The following FPGT variants were observed in gnomAD, a reference collection of about 807,000 sequenced individuals.
FPGT encodes the protein fucose-1-phosphate guanylyltransferase, also known as GDP-L-fucose diphosphorylase.
A neutral mutation model predicts 45.8 loss-of-function variants in FPGT; 41 were observed. The observed-to-expected ratio is 0.90, with a 90% CI of 0.70 to 1.16. The LOEUF (loss-of-function observed/expected upper bound fraction) is 1.16, where lower values mean the gene tolerates loss of function less well. Ranked by LOEUF, FPGT falls within the 50% of genes most tolerant of loss-of-function variation. FPGT has a pLI of 0.00. For synonymous variants in FPGT, 292 were observed against 247.2 expected (o/e 1.18, Z -1.70); for missense variants, 755 against 689.1 (o/e 1.10, Z -1.07).
At chr1:74,198,611 A>G (rs1268488786) in intron 1 of FPGT, among the ~76,000 whole-genome samples, 1 of 152,182 alleles carries the variant, frequency 6.6e-6, no homozygotes, top group Non-Finnish European at 1.5e-5. Context: ...AGAAGAAGAA[A>G]ATCTTACTAG....
At chr1:74,200,390 C>A (rs562466779) in intron 2 of FPGT, among the ~76,000 whole-genome samples, 3 of 152,060 alleles carry the variant, frequency 2.0e-5, no homozygotes, top group Non-Finnish European at 2.9e-5. Flanking sequence ...CCCCCTGATA[C>A]CAGAGATAAG....
At position 74,205,193 on chromosome 1, in the gene FPGT, G is replaced by T. The variant is rs1557673176; in HGVS notation, c.1146G>T (p.Gln382His). ...DNSLKSELGL[Q>H]SITFSIFPDI... is the part of the protein sequence containing the mutation. ...GTTTAAAGTCAGAGCTCGGCTTACA[G>T]TCCATAACTTTTAGTATCTTTCCAG... is the stretch of plus-strand genomic sequence containing the variant. The change falls in exon 4 of 4, where the codon CAG (glutamine) becomes CAT (histidine). Residue 382 changes from glutamine to histidine, a missense_variant. Gln to His is a conservative substitution (Grantham distance 24). Transcript: ENST00000370898. 6.2e-7 allele frequency: 1 copy of T among 1,613,982 alleles called. No homozygotes were observed. Among genetic ancestry groups the T allele is most frequent in the Non-Finnish European group, 8.5e-7 (1 of 1,179,870 alleles).
chr1:74,201,183 C>A (rs1651756598), intron 2 of FPGT, 135 bp from the exon 3 acceptor site: 2 of 614,786 alleles, frequency 3.3e-6, no homozygotes, highest in Non-Finnish European at 5.6e-6. Flanking sequence ...ATTGCCAATA[C>A]CTTTGATGTC....
In FPGT at chr1:74,198,266, G is replaced by A. The variant is rs200371237; in HGVS notation, c.-13G>A. The A allele has an allele frequency of 6.2e-7, 1 of 1,613,314 alleles. No individual in the cohort carries two copies. The highest frequency in any genetic ancestry group is 1.1e-5 in the South Asian group (1 of 91,062). ...TGCGTGCTGTGCGGCGCGGTCTCAG[G>A]GAAGGTGGGGCTATGGCAGCTGCTA... On this transcript the variant is annotated 5_prime_UTR_variant, in exon 1 of 4. Coordinates refer to ENST00000370898, the MANE Select transcript of FPGT (RefSeq NM_003838.5).
In FPGT at chr1:74,204,529, G is replaced by A; in HGVS notation, c.482G>A (p.Gly161Glu). The A allele has an allele frequency of 1.2e-6, 2 of 1,609,464 alleles. No homozygotes were observed. Among genetic ancestry groups the A allele is most frequent in the Non-Finnish European group, 1.7e-6 (2 of 1,175,922 alleles). The stretch of plus-strand genomic sequence containing the variant: ...GATTTCCCCTTAAATATGAATCCTG[G>A]AATTCTGGTTACCTGTGCAGATGAT... Reference protein sequence around the residue: ...YIDFPLNMNPGILVTCADDIE... With the variant: ...YIDFPLNMNPEILVTCADDIE... Residue 161 changes from glycine to glutamate, a missense_variant, in exon 4 of 4, where the codon GGA (glycine) becomes GAA (glutamate). Transcript: ENST00000370898.
At chr1:74,203,315 G>A (rs1178811694) in intron 3 of FPGT, among the ~76,000 whole-genome samples, 1 of 152,038 alleles carries the variant, frequency 6.6e-6, no homozygotes, top group Non-Finnish European at 1.5e-5. Context: ...CCATAATTGA[G>A]CGAAATGTTG....
At chr1:74,201,845 C>G (rs986944563) in intron 3 of FPGT, among the ~76,000 whole-genome samples, 1 of 152,174 alleles carries the variant, frequency 6.6e-6, no homozygotes, top group Non-Finnish European at 1.5e-5. Context: ...CACCTGTCAA[C>G]CCATCACCTA....
In FPGT at chr1:74,204,401, T is replaced by C. The variant is rs752512715; in HGVS notation, c.354T>C (p.Ser118=). 1 of 1,577,252 alleles carries C rather than the reference T, an allele frequency of 6.3e-7. No individual in the cohort carries two copies. Among genetic ancestry groups the C allele is most frequent in the South Asian group, 1.2e-5 (1 of 84,452 alleles). ...TILLIHSGGY[S]QRLPNASALG... Reference sequence around the variant, plus strand: ...GTTTTAATTTTATAGGTGGCTACAGTCAACGACTTCCAAATGCAAGTGCTC... The same window carrying C: ...GTTTTAATTTTATAGGTGGCTACAGCCAACGACTTCCAAATGCAAGTGCTC... The change falls in exon 4 of 4, where the codon AGT becomes AGC. Residue 118 remains serine (S), a synonymous_variant. Coordinates refer to ENST00000370898, the MANE Select transcript of FPGT (RefSeq NM_003838.5).
chr1:74,200,591 G>C (rs1405137217), intron 2 of FPGT: 2 of 141,694 alleles, frequency 1.4e-5, no homozygotes, highest in Admixed American at 1.5e-4. Flanking sequence ...TCCAAGCTCC[G>C]CCTCCCAGGT....
At position 74,205,129 on chromosome 1, in the gene FPGT, C is replaced by A. The variant is rs1417528871; in HGVS notation, c.1082C>A (p.Thr361Lys). The A allele has an allele frequency of 6.2e-7, 1 of 1,613,292 alleles. No homozygotes were observed. The highest frequency in any genetic ancestry group is 8.5e-7 in the Non-Finnish European group (1 of 1,179,396). Residue 361 changes from threonine (T) to lysine (K), a missense_variant, in exon 4 of 4, where the codon ACA becomes AAA. Coordinates refer to ENST00000370898, the MANE Select transcript of FPGT (RefSeq NM_003838.5). ...AACTCCAAATTTTATCACATTGGAA[C>A]AACCGAAGAATATTTGTTTTACTTT... is the stretch of plus-strand genomic sequence containing the variant. Reference protein sequence around the residue: ...LNNSKFYHIGTTEEYLFYFTS... With the variant: ...LNNSKFYHIGKTEEYLFYFTS...
At chr1:74,200,150 A>G (rs1651655452) in intron 2 of FPGT, among the ~76,000 whole-genome samples, 1 of 152,228 alleles carries the variant, frequency 6.6e-6, no homozygotes, top group African/African-American at 2.4e-5. Flanking sequence ...TCTCCACTCC[A>G]GAGTTCCTCC....
In FPGT at chr1:74,204,810, G is replaced by T; in HGVS notation, c.763G>T (p.Gly255Trp). 6.2e-7 allele frequency: 1 copy of T among 1,613,516 alleles called. No individual in the cohort carries two copies. The highest frequency in any genetic ancestry group is 8.5e-7 in the Non-Finnish European group (1 of 1,179,770). Residue 255 changes from glycine (G) to tryptophan (W), a missense_variant, in exon 4 of 4, where the codon GGG becomes TGG. Coordinates refer to ENST00000370898, the MANE Select transcript of FPGT (RefSeq NM_003838.5). The part of the protein sequence containing the change: ...PGNFCQQDFA[G>W]GDIADLKLDS... ...AAATTTTTGTCAACAGGACTTTGCT[G>T]GGGGTGACATTGCCGATCTTAAATT...
chr1:74,202,458 A>G (rs1392662632), intron 3 of FPGT, among the ~76,000 whole-genome samples: 2 of 152,208 alleles, frequency 1.3e-5, no homozygotes, highest in South Asian at 4.1e-4. Flanking sequence ...AATTATTATC[A>G]GTTTAGTAAA....
Position 74,199,650 on chromosome 1 carries a change from C to G in FPGT, c.83-14C>G, listed in dbSNP as rs1651582627. On this transcript the variant is annotated splice_polypyrimidine_tract_variant and intron_variant, in intron 1 of 3. Coordinates refer to ENST00000370898, the MANE Select transcript of FPGT (RefSeq NM_003838.5). ...GATAATTTTTGTTTTCATTTCCTTG[C>G]TTTTTCCAAATAGGCAAACTTGTAG... The G allele has an allele frequency of 6.2e-7, 1 of 1,600,006 alleles. No homozygotes were observed. Among genetic ancestry groups the G allele is most frequent in the Admixed American group, 1.8e-5 (1 of 56,566 alleles).
In FPGT at chr1:74,204,856, CAGAT is replaced by C. The variant is rs763750018; in HGVS notation, c.812_815del (p.Asp271AlafsTer20). 1 of 1,613,678 alleles carries C rather than the reference CAGAT, an allele frequency of 6.2e-7. No individual in the cohort carries two copies. Among genetic ancestry groups the C allele is most frequent in the East Asian group, 2.2e-5 (1 of 44,870 alleles). On this transcript the variant is annotated frameshift_variant, in exon 4 of 4. Transcript: ENST00000370898. LOFTEE classifies it high-confidence loss of function. ...AAATTAGACTCTGACTATGTCTACA[CAGAT>C]AGCCTATTTTATATGGATCATAAAT...
At chr1:74,202,553 T>G (rs1651891631) in intron 3 of FPGT, among the ~76,000 whole-genome samples, 1 of 152,158 alleles carries the variant, frequency 6.6e-6, no homozygotes, top group Non-Finnish European at 1.5e-5. Flanking sequence ...AGTGCTAAAC[T>G]TGACTATTGG....
In FPGT at chr1:74,204,855, A is replaced by G; in HGVS notation, c.808A>G (p.Thr270Ala). Reference sequence around the variant, plus strand: ...TAAATTAGACTCTGACTATGTCTACACAGATAGCCTATTTTATATGGATCA... The same window carrying G: ...TAAATTAGACTCTGACTATGTCTACGCAGATAGCCTATTTTATATGGATCA... ...DLKLDSDYVY[T>A]DSLFYMDHKS... The change falls in exon 4 of 4, where the codon ACA (threonine) becomes GCA (alanine). Residue 270 changes from threonine to alanine, a missense_variant. Coordinates refer to ENST00000370898, the MANE Select transcript of FPGT (RefSeq NM_003838.5). 6.2e-7 allele frequency: 1 copy of G among 1,613,732 alleles called. No homozygotes were observed. The highest frequency in any genetic ancestry group is 8.5e-7 in the Non-Finnish European group (1 of 1,180,004).
chr1:74,205,187 C>T lies in FPGT; in HGVS notation c.1140C>T (p.Gly380=), dbSNP rs375924421. The T allele has an allele frequency of 3.3e-5, 54 of 1,613,740 alleles. No homozygotes were observed. The highest frequency in any genetic ancestry group is 1.7e-4 in the Admixed American group (10 of 59,996). The part of the protein sequence containing the change: ...TSDNSLKSEL[G]LQSITFSIFP... ...ATAACAGTTTAAAGTCAGAGCTCGG[C>T]TTACAGTCCATAACTTTTAGTATCT... Residue 380 remains glycine (G), a synonymous_variant, in exon 4 of 4, where the codon GGC becomes GGT. Coordinates refer to ENST00000370898, the MANE Select transcript of FPGT (RefSeq NM_003838.5).
chr1:74,206,096 C>A lies in FPGT; in HGVS notation c.*264C>A. The stretch of plus-strand genomic sequence containing the variant: ...TGATTTGTGGAGCATTGTTTTTTCA[C>A]ATAATTAGTTTTAAAGGTAATTTTC... On this transcript the variant is annotated 3_prime_UTR_variant, in exon 4 of 4. Transcript: ENST00000370898. 1 of 271,440 alleles carries A rather than the reference C, an allele frequency of 3.7e-6. No individual in the cohort carries two copies. The highest frequency in any genetic ancestry group is 6.9e-6 in the Non-Finnish European group (1 of 145,942). The allele number at this position is 271,440 out of a possible 1,614,324, so 16.8% of individuals were successfully genotyped here.
Sources: gnomAD v4.1 joint callset for allele counts (sites outside exome capture counted in the v4.1 genomes callset) on GRCh38, gnomAD v4.1.1 for gene constraint, MANE v1.5 for transcripts, NCBI Gene and HGNC (gene_info 2026-07-23, HGNC 2026-07-21) for gene names.